Variants in RELN observed in about 807,000 individuals in gnomAD.
RELN encodes reelin.
Under a neutral mutation model 427.6 loss-of-function variants are expected in RELN, and 108 were observed. That is an observed-to-expected ratio of 0.25 (90% CI 0.22 to 0.30). The LOEUF is 0.30. Ranked by LOEUF, RELN falls within the 10% of genes least tolerant of loss-of-function variation. RELN has a pLI of 1.00. For missense variants in RELN, 3,715 were observed against 4,302.8 expected (o/e 0.86, Z 3.82); for synonymous variants, 1,524 against 1,513.4 (o/e 1.01, Z -0.16).
chr7:103,701,439 T>C (rs1468597146), intron 8 of RELN, among the ~76,000 whole-genome samples: 2 of 152,126 alleles, frequency 1.3e-5, no homozygotes, highest in East Asian at 1.9e-4. Flanking sequence ...GTGTGTATTA[T>C]CTAAATGATG....
At chr7:103,619,114 A>T (rs78265309) in intron 20 of RELN, among the ~76,000 whole-genome samples, 1 of 85,916 alleles carries the variant, frequency 1.2e-5, no homozygotes, top group East Asian at 4.1e-4. Context: ...CTCTCAAATT[A>T]AAAAAAAAAA....
chr7:103,775,028 T>C (rs1791703837), intron 4 of RELN, among the ~76,000 whole-genome samples: 2 of 152,282 alleles, frequency 1.3e-5, no homozygotes, highest in South Asian at 2.1e-4. Flanking sequence ...CCAACCCCAA[T>C]AATTCAGTTA....
At chr7:103,706,455 G>C (rs191099091) in intron 8 of RELN, among the ~76,000 whole-genome samples, 90 of 152,230 alleles carry the variant, frequency 5.9e-4, no homozygotes, top group Non-Finnish European at 9.6e-4. Context: ...TGAACAGATA[G>C]GCCCTGCTAT....
At chr7:103,743,602 G>A (rs1790730799) in intron 6 of RELN, among the ~76,000 whole-genome samples, 1 of 152,038 alleles carries the variant, frequency 6.6e-6, no homozygotes, top group Non-Finnish European at 1.5e-5. Flanking sequence ...AAAAAGGCAG[G>A]GGTTGCAATC....
At chr7:103,585,724 C>A (rs1285786495) in intron 28 of RELN, among the ~76,000 whole-genome samples, 1 of 152,052 alleles carries the variant, frequency 6.6e-6, no homozygotes, top group Non-Finnish European at 1.5e-5. Flanking sequence ...ACCAGAATCA[C>A]CCTGATACCA....
intron 2 of RELN, among the ~76,000 whole-genome samples, chr7:103,880,767 A>C (rs1469744456): frequency 1.3e-5 from 2 of 152,292 alleles, no homozygotes; most frequent in South Asian, 4.2e-4. Flanking sequence ...ATCACGGCTC[A>C]CTGCAGCCTC....
chr7:103,676,201 A>G (rs575417371), intron 11 of RELN, among the ~76,000 whole-genome samples: 3 of 152,238 alleles, frequency 2.0e-5, no homozygotes, highest in Admixed American at 6.5e-5. Context: ...AGAAAAAAAT[A>G]AAAAAACCCC....
intron 2 of RELN, among the ~76,000 whole-genome samples, chr7:103,860,446 C>G (rs80099691): frequency 6.6e-6 from 1 of 151,958 alleles, no homozygotes; most frequent in Non-Finnish European, 1.5e-5. Flanking sequence ...GTAATGAGGA[C>G]TTGTTGAAGA....
chr7:103,641,343 A>G (rs111918639), intron 16 of RELN, among the ~76,000 whole-genome samples: 10 of 152,312 alleles, frequency 6.6e-5, no homozygotes, highest in African/African-American at 2.4e-4. Context: ...TAGTCATTTC[A>G]AAGTATTTAC....
intron 27 of RELN, among the ~76,000 whole-genome samples, chr7:103,592,815 C>T (rs1187392146): frequency 6.6e-6 from 1 of 152,102 alleles, no homozygotes; most frequent in African/African-American, 2.4e-5. Flanking sequence ...TTAGGTATTA[C>T]CAACAAATGA....
At chr7:103,895,801 G>C (rs1794946777) in intron 2 of RELN, among the ~76,000 whole-genome samples, 2 of 151,990 alleles carry the variant, frequency 1.3e-5, no homozygotes, top group South Asian at 4.2e-4. Flanking sequence ...TGGCTTACTA[G>C]ACGGCATACA....
chr7:103,865,152 A>G lies in RELN; in HGVS notation c.338-31480T>C, dbSNP rs988972639. On this transcript the variant is annotated intron_variant, in intron 2 of 64. Coordinates refer to ENST00000428762, the MANE Select transcript of RELN (RefSeq NM_005045.4). ...TGTCTCAAAAAAAAAAAAAAAAAAA[A>G]AAAGAAAGAAAGAAATTCTTAGAAA... Among the ~76,000 whole-genome samples, 565 of 149,348 alleles carry G rather than the reference A, an allele frequency of 3.8e-3. 15 individuals are homozygous for G. The highest frequency in any genetic ancestry group is 0.024 in the East Asian group (122 of 5,030).
chr7:103,791,272 C>A (rs1792155171), intron 3 of RELN, among the ~76,000 whole-genome samples: 1 of 152,080 alleles, frequency 6.6e-6, no homozygotes, highest in East Asian at 1.9e-4. Context: ...AATGTAAATG[C>A]AAGGGGCTCA....
chr7:103,528,390 G>T (rs986428492), intron 46 of RELN, among the ~76,000 whole-genome samples: 2 of 152,070 alleles, frequency 1.3e-5, no homozygotes, highest in African/African-American at 4.8e-5. Context: ...GGGGTGAGGG[G>T]TGGGGAGTGA....
intron 2 of RELN, among the ~76,000 whole-genome samples, chr7:103,903,176 T>C (rs1275679611): frequency 6.6e-6 from 1 of 152,076 alleles, no homozygotes; most frequent in African/African-American, 2.4e-5. Flanking sequence ...ACTTCAATCC[T>C]GTCTCCTGTT....
chr7:103,983,534 C>T (rs546193763), intron 1 of RELN, among the ~76,000 whole-genome samples: 33 of 152,250 alleles, frequency 2.2e-4, no homozygotes, highest in Non-Finnish European at 3.4e-4. Flanking sequence ...AAATTCAATT[C>T]GAGTATCTGA....
rs1177274775 is a variant in RELN at position 103,523,421 on chromosome 7, C to G, written c.7460G>C (p.Gly2487Ala). Residue 2487 changes from glycine to alanine, a missense_variant, in exon 47 of 65, where the codon GGC (glycine) becomes GCC (alanine). Physicochemically the swap from Gly to Ala is moderately conservative, Grantham distance 60 (BLOSUM62 0). Transcript: ENST00000428762. Reference sequence around the variant, plus strand: ...GTTTCCCTGGATGCATCTCCCATGGCCACTGCACATGTCTATGCAGCCATC... The same window carrying G: ...GTTTCCCTGGATGCATCTCCCATGGGCACTGCACATGTCTATGCAGCCATC... ...IGDGCIDMCS[G>A]HGRCIQGNCV... is the part of the protein sequence containing the mutation. 1.2e-6 allele frequency: 2 copies of G among 1,613,998 alleles called. No homozygotes were observed. The highest frequency in any genetic ancestry group is 8.5e-7 in the Non-Finnish European group (1 of 1,180,042).
At chr7:103,809,705 C>T (rs555968610) in intron 3 of RELN, among the ~76,000 whole-genome samples, 1 of 152,104 alleles carries the variant, frequency 6.6e-6, no homozygotes, top group African/African-American at 2.4e-5. Flanking sequence ...CATTGTAGAC[C>T]ATTAACATTG....
chr7:103,830,026 A>G (rs940748701), intron 3 of RELN, among the ~76,000 whole-genome samples: 3 of 152,046 alleles, frequency 2.0e-5, no homozygotes, highest in East Asian at 1.9e-4. Flanking sequence ...GTTTCTTCCA[A>G]TATAATGCAC....
Sources: gnomAD v4.1 joint callset for allele counts (sites outside exome capture counted in the v4.1 genomes callset) on GRCh38, gnomAD v4.1.1 for gene constraint, MANE v1.5 for transcripts, NCBI Gene and HGNC (gene_info 2026-07-23, HGNC 2026-07-21) for gene names.